ANK3: variants seen among roughly 807,000 people sequenced by gnomAD.
The protein encoded by ANK3 is ankyrin 3, also known as ankyrin-3.
Under a neutral mutation model 370.9 loss-of-function variants are expected in ANK3, and 57 were observed. The ratio of observed to expected loss-of-function variants is 0.15; its 90% CI spans 0.12 to 0.19. The LOEUF is 0.19. ANK3 is among the 10% of genes least tolerant of loss of function. The pLI is 1.00. For missense variants in ANK3, 4,439 were observed against 5,302.1 expected (o/e 0.84, Z 5.06); for synonymous variants, 1,929 against 1,946.3 (o/e 0.99, Z 0.23).
At position 60,069,305 on chromosome 10, in the gene ANK3, A is replaced by C. The variant is rs1302133277; in HGVS notation, c.11576T>G (p.Ile3859Ser). The C allele has an allele frequency of 3.7e-6, 6 of 1,613,916 alleles. No homozygotes were observed. The highest frequency in any genetic ancestry group is 4.2e-6 in the Non-Finnish European group (5 of 1,179,992). Reference protein sequence around the residue: ...EQQKTKELIGIRQKSKLPIKA... With the variant: ...EQQKTKELIGSRQKSKLPIKA... ...TATGGGAAGTTTGGATTTTTGCCTA[A>C]TCCCTATCAATTCCTTTGTTTTTTG... Residue 3859 changes from isoleucine (I) to serine (S), a missense_variant, in exon 37 of 44, where the codon ATT (isoleucine) becomes AGT (serine). Coordinates refer to ENST00000280772, the MANE Select transcript of ANK3 (RefSeq NM_020987.5).
At chr10:60,140,487 T>C in intron 23 of ANK3, 5 of 1,577,192 alleles carry the variant, frequency 3.2e-6, no homozygotes, top group Non-Finnish European at 4.3e-6. Context: ...GTATCCACTC[T>C]CTTCACCACC....
intron 2 of ANK3, among the ~76,000 whole-genome samples, chr10:60,494,425 C>A (rs2075601322): frequency 6.6e-6 from 1 of 152,112 alleles, no homozygotes. Flanking sequence ...ATTATTTATG[C>A]TGATATATAG....
intron 2 of ANK3, among the ~76,000 whole-genome samples, chr10:60,431,797 T>C (rs1313038997): frequency 2.0e-5 from 3 of 152,128 alleles, no homozygotes; most frequent in African/African-American, 4.8e-5. Flanking sequence ...TAAAGTATAA[T>C]TTAAAAAATG....
rs747086460 is a variant in ANK3 at position 60,576,732 on chromosome 10, GAC to G, written c.96+38452_96+38453del. 5.9e-5 allele frequency among the ~76,000 whole-genome samples: 9 copies of G among 152,284 alleles called. No individual in the cohort carries two copies. The East Asian group carries it at 9.6e-4, about 16-fold the overall frequency. On this transcript the variant is annotated intron_variant, in intron 2 of 43. Transcript: ENST00000373827. ...GTTTAAAATACTTGTAAAAGTGAAA[GAC>G]AAATCCACAGGCAAATAAGCTGTTC...
At chr10:60,508,799 C>A (rs527833901) in intron 2 of ANK3, among the ~76,000 whole-genome samples, 5 of 152,260 alleles carry the variant, frequency 3.3e-5, no homozygotes, top group African/African-American at 1.2e-4. Context: ...CCTTCCCCCA[C>A]CTACAATCTA....
chr10:60,141,444 C>T (rs1196382885), intron 23 of ANK3, among the ~76,000 whole-genome samples: 1 of 151,834 alleles, frequency 6.6e-6, no homozygotes, highest in Non-Finnish European at 1.5e-5. Context: ...TTTCTCTCTC[C>T]ACTAGTGGCC....
At chr10:60,572,983 G>A in intron 2 of ANK3, 1 of 988,216 alleles carries the variant, frequency 1.0e-6, no homozygotes, top group Non-Finnish European at 1.2e-6. Context: ...AGCCTTCCCA[G>A]GGGCTGATTT....
At chr10:60,235,763 T>A (rs2097323199) in intron 7 of ANK3, among the ~76,000 whole-genome samples, 2 of 152,170 alleles carry the variant, frequency 1.3e-5, no homozygotes, top group South Asian at 4.2e-4. Context: ...ATCAATTACA[T>A]CATAAATGAA....
At chr10:60,052,446 G>A (rs148402493) in intron 42 of ANK3, among the ~76,000 whole-genome samples, 4 of 152,264 alleles carry the variant, frequency 2.6e-5, no homozygotes, top group African/African-American at 7.2e-5. Context: ...TACTGAGAAA[G>A]AATTTAATGA....
chr10:60,697,440 C>T (rs1305597831), intron 1 of ANK3, among the ~76,000 whole-genome samples: 17 of 150,536 alleles, frequency 1.1e-4, no homozygotes, highest in Admixed American at 4.6e-4. Flanking sequence ...GAGCCCGCAT[C>T]GCCAAGTCAA....
chr10:60,648,241 C>A (rs1314395986), intron 1 of ANK3, among the ~76,000 whole-genome samples: 1 of 149,934 alleles, frequency 6.7e-6, no homozygotes, highest in Non-Finnish European at 1.5e-5. Context: ...CAAGCTCCAC[C>A]TCCCAGGTTC....
chr10:60,674,457 C>A (rs117773418), intron 1 of ANK3, among the ~76,000 whole-genome samples: 2 of 151,992 alleles, frequency 1.3e-5, no homozygotes, highest in African/African-American at 4.8e-5. Flanking sequence ...GATGCCACAC[C>A]CTTTTAAACA....
At chr10:60,444,301 A>C (rs894399726) in intron 2 of ANK3, among the ~76,000 whole-genome samples, 1 of 151,948 alleles carries the variant, frequency 6.6e-6, no homozygotes, top group Non-Finnish European at 1.5e-5. Flanking sequence ...TTCCAAATCA[A>C]TCTCCAAGCT....
At chr10:60,223,979 G>T (rs1185415162) in intron 8 of ANK3, among the ~76,000 whole-genome samples, 1 of 150,646 alleles carries the variant, frequency 6.6e-6, no homozygotes, top group Non-Finnish European at 1.5e-5. Context: ...ATTCTTACTT[G>T]CCTCCAACCC....
Position 60,145,466 on chromosome 10 carries a change from G to A in ANK3, c.2615-6379C>T, listed in dbSNP as rs558508375. Among the ~76,000 whole-genome samples, 4 of 152,220 alleles carry A rather than the reference G, an allele frequency of 2.6e-5. No individual in the cohort carries two copies. In the South Asian group the frequency reaches 8.3e-4, roughly 32 times the overall value. ...TGGGAAAATAAATCCTTTATTTCTA[G>A]TCAGCATTACAGAACAGTAGAATCA... On this transcript the variant is annotated intron_variant, in intron 23 of 43. Transcript: ENST00000280772.
At chr10:60,286,396 T>C (rs1226823989) in intron 1 of ANK3, among the ~76,000 whole-genome samples, 2 of 152,188 alleles carry the variant, frequency 1.3e-5, no homozygotes, top group African/African-American at 4.8e-5. Flanking sequence ...CTTAGAGTCA[T>C]CCATGTTGAC....
At position 60,161,680 on chromosome 10, in the gene ANK3, GA is replaced by G. The variant is rs758553787; in HGVS notation, c.2614+4910del. Among the ~76,000 whole-genome samples the G allele has an allele frequency of 7.0e-4, 104 of 149,300 alleles. 2 individuals are homozygous for G. In the South Asian group the frequency reaches 0.014, roughly 21 times the overall value. ...ACGTTCTCACTCATATGTGGGAACT[GA>G]AAAAAAAAATTGAACTCATGGAGAT... On this transcript the variant is annotated intron_variant, in intron 23 of 43. Transcript: ENST00000280772.
At chr10:60,210,788 G>A (rs75489412) in intron 9 of ANK3, among the ~76,000 whole-genome samples, 3,830 of 152,258 alleles carry the variant, frequency 0.025, 66 homozygotes, top group Non-Finnish European at 0.037. Flanking sequence ...GGATTTGAGT[G>A]TGGTAATTCA....
At chr10:60,435,645 T>C (rs574509213) in intron 2 of ANK3, among the ~76,000 whole-genome samples, 4 of 152,326 alleles carry the variant, frequency 2.6e-5, no homozygotes, top group Admixed American at 2.6e-4. Flanking sequence ...AAAAACCTCA[T>C]GCCCATTAAA....
Sources: gnomAD v4.1 joint callset for allele counts (sites outside exome capture counted in the v4.1 genomes callset) on GRCh38, gnomAD v4.1.1 for gene constraint, MANE v1.5 for transcripts, NCBI Gene and HGNC (gene_info 2026-07-23, HGNC 2026-07-21) for gene names.